Variants in FRMD3 observed in about 807,000 individuals in gnomAD.
The protein encoded by FRMD3 is FERM domain-containing protein 3.
FRMD3 carries 33 observed loss-of-function variants against 70.2 expected under a neutral mutation model. The observed-to-expected ratio is 0.47, with a 90% CI of 0.36 to 0.63. FRMD3 has a LOEUF of 0.63. Ranked by LOEUF, FRMD3 falls within the 20% of genes least tolerant of loss-of-function variation. FRMD3 has a pLI of 0.00. For synonymous variants in FRMD3, 279 were observed against 255.9 expected (o/e 1.09, Z -0.86); for missense variants, 632 against 711.4 (o/e 0.89, Z 1.27).
chr9:83,445,367 T>TAGAC (rs1232389132), intron 1 of FRMD3, among the ~76,000 whole-genome samples: 278 of 151,082 alleles, frequency 1.8e-3, no homozygotes, highest in Non-Finnish European at 3.1e-3. Context: ...GATAGATAGA[T>TAGAC]AGATAGATAG....
At chr9:83,355,245 T>C (rs1467888653) in intron 3 of FRMD3, among the ~76,000 whole-genome samples, 4 of 152,332 alleles carry the variant, frequency 2.6e-5, no homozygotes, top group Admixed American at 1.3e-4. Flanking sequence ...TCCTTCTCTG[T>C]GCCAAACATT....
rs1208322355 is a variant in FRMD3, at chr9:83,298,783, A to G, written c.1035T>C (p.Ser345=). ...CAGGAGGCTCCCTCTGGATCTTGGA[A>G]CTGGCCTCCACCACCTCTTTGGCAA... ...GKVAKEVVEA[S]SKIQREPPEV... The change falls in exon 12 of 14, where the codon AGT becomes AGC. Residue 345 remains serine (S), a synonymous_variant. Transcript: ENST00000304195. 6.2e-7 allele frequency: 1 copy of G among 1,614,236 alleles called. No individual in the cohort carries two copies. The highest frequency in any genetic ancestry group is 8.5e-7 in the Non-Finnish European group (1 of 1,180,034).
intron 1 of FRMD3, among the ~76,000 whole-genome samples, chr9:83,478,257 T>G (rs1451392548): frequency 6.6e-6 from 1 of 152,216 alleles, no homozygotes; most frequent in Non-Finnish European, 1.5e-5. Context: ...AGAAGGGCTC[T>G]AAACCTAACT....
At chr9:83,363,643 C>T (rs1048445484) in intron 3 of FRMD3, among the ~76,000 whole-genome samples, 19 of 151,682 alleles carry the variant, frequency 1.3e-4, no homozygotes, top group East Asian at 9.7e-4. Context: ...AGGCTCCGCC[C>T]CCCGGGGTTC....
In FRMD3 at chr9:83,389,163, G is replaced by C. The variant is rs556007028; in HGVS notation, c.252+441C>G. 7.9e-5 allele frequency among the ~76,000 whole-genome samples: 12 copies of C among 152,080 alleles called. No homozygotes were observed. The South Asian group carries it at 2.5e-3, about 32-fold the overall frequency. On this transcript the variant is annotated intron_variant, in intron 2 of 13. Coordinates refer to ENST00000304195, the MANE Select transcript of FRMD3 (RefSeq NM_174938.6). ...GAGTTTTGCCATGTTGCCAGCACTG[G>C]TCTTGAACTCCTGGGTTCAAGTGGT... is the stretch of plus-strand genomic sequence containing the variant.
intron 1 of FRMD3, among the ~76,000 whole-genome samples, chr9:83,450,106 A>G (rs992585012): frequency 2.6e-5 from 4 of 151,980 alleles, no homozygotes; most frequent in Non-Finnish European, 5.9e-5. Flanking sequence ...TGCGCCACCC[A>G]ACTGACAGTT....
intron 3 of FRMD3, among the ~76,000 whole-genome samples, chr9:83,358,739 T>C (rs972633927): frequency 6.6e-6 from 1 of 151,874 alleles, no homozygotes; most frequent in Non-Finnish European, 1.5e-5. Flanking sequence ...GGGATTGAGT[T>C]CTTGATTTTA....
chr9:83,377,126 G>C (rs955572885), intron 2 of FRMD3, among the ~76,000 whole-genome samples: 2 of 152,140 alleles, frequency 1.3e-5, no homozygotes, highest in African/African-American at 2.4e-5. Context: ...TAATCACTAA[G>C]ATACTAAGAG....
chr9:83,249,143 G>A (rs964185881), intron 13 of FRMD3, among the ~76,000 whole-genome samples: 2 of 152,116 alleles, frequency 1.3e-5, no homozygotes, highest in Non-Finnish European at 2.9e-5. Flanking sequence ...TAAATTAGTT[G>A]CCTATTGTCA....
chr9:83,328,424 A>C lies in FRMD3; in HGVS notation c.596+7092T>G, dbSNP rs530638038. On this transcript the variant is annotated intron_variant, in intron 6 of 13. Coordinates refer to ENST00000304195, the MANE Select transcript of FRMD3 (RefSeq NM_174938.6). ...GGCTCAAACTACATACATCTGGGTC[A>C]CAGTGTAGTCCAAGGACTGTCATTT... Among the ~76,000 whole-genome samples, 159 of 152,328 alleles carry C rather than the reference A, an allele frequency of 1.0e-3. 1 individual carries two copies. Among genetic ancestry groups the C allele is most frequent in the African/African-American group, 3.7e-3 (154 of 41,592 alleles).
In FRMD3 at chr9:83,246,653, T is replaced by C; in HGVS notation, c.*1265A>G. On this transcript the variant is annotated 3_prime_UTR_variant, in exon 14 of 14. Coordinates refer to ENST00000304195, the MANE Select transcript of FRMD3 (RefSeq NM_174938.6). ...AAAAGCCATTCATATTCTCTCTCTC[T>C]CTCTCTCTCTCTCTCTCACACACAC... 20 of 962,788 alleles carry C rather than the reference T, an allele frequency of 2.1e-5. No homozygotes were observed. The highest frequency in any genetic ancestry group is 2.4e-5 in the Non-Finnish European group (20 of 824,666). 59.6% of individuals were successfully genotyped at this position (962,788 alleles called of 1,614,324 possible).
chr9:83,541,648 G>T (rs1320860543), upstream of FRMD3, among the ~76,000 whole-genome samples: 1 of 152,216 alleles, frequency 6.6e-6, no homozygotes, highest in Non-Finnish European at 1.5e-5. Context: ...TGACTTAAAT[G>T]GGAAGGATGA....
At chr9:83,335,132 C>G (rs1416765947) in intron 6 of FRMD3, among the ~76,000 whole-genome samples, 2 of 152,208 alleles carry the variant, frequency 1.3e-5, no homozygotes, top group Non-Finnish European at 2.9e-5. Context: ...TTCTATTCTA[C>G]TTGGAGTCAA....
At chr9:83,507,804 TAGA>T (rs1307826277) in intron 1 of FRMD3, among the ~76,000 whole-genome samples, 1 of 143,172 alleles carries the variant, frequency 7.0e-6, no homozygotes, top group Non-Finnish European at 1.5e-5. Context: ...TGTATATAAG[TAGA>T]AGGAGTACAC....
At chr9:83,525,154 T>G (rs1829658135) in intron 1 of FRMD3, among the ~76,000 whole-genome samples, 1 of 152,200 alleles carries the variant, frequency 6.6e-6, no homozygotes, top group East Asian at 1.9e-4. Context: ...ACTTTCCAGA[T>G]TAACGTTTAG....
rs1463752659 is a variant in FRMD3, at chr9:83,311,868, T to C, written c.773+19A>G. ...AGATTAAGAAAAATGGAAAGCCAGT[T>C]TTCCAAAGAGGCACTTACCATTTTA... On this transcript the variant is annotated intron_variant, in intron 8 of 13. Transcript: ENST00000304195. The C allele has an allele frequency of 2.6e-6, 4 of 1,558,880 alleles. No homozygotes were observed. The highest frequency in any genetic ancestry group is 2.2e-5 in the East Asian group (1 of 44,576).
rs1401105590 is a variant in FRMD3, at chr9:83,399,066, G to C, written c.148-9358C>G. On this transcript the variant is annotated intron_variant, in intron 1 of 13. Transcript: ENST00000304195. ...AGATAGACATACAGTCAACATCACA[G>C]CAAGAGGCTTAATAGTATTAAAGCT... Among the ~76,000 whole-genome samples, 6 of 152,144 alleles carry C rather than the reference G, an allele frequency of 3.9e-5. No individual in the cohort carries two copies. In the South Asian group the frequency reaches 1.0e-3, roughly 26 times the overall value.
chr9:83,519,432 C>A (rs573853730), intron 1 of FRMD3, among the ~76,000 whole-genome samples: 69 of 152,230 alleles, frequency 4.5e-4, no homozygotes, highest in Non-Finnish European at 5.9e-5. Context: ...CAAATCAAAA[C>A]CACAATGAGA....
At chr9:83,257,872 C>T (rs1474632089) in intron 13 of FRMD3, among the ~76,000 whole-genome samples, 2 of 152,076 alleles carry the variant, frequency 1.3e-5, no homozygotes, top group African/African-American at 4.8e-5. Flanking sequence ...AATTACACAG[C>T]CCAATTAAAA....
Sources: allele counts gnomAD v4.1 joint callset (sites outside exome capture counted in the v4.1 genomes callset), GRCh38; gene constraint gnomAD v4.1.1; transcripts MANE v1.5; gene names NCBI Gene and HGNC (gene_info 2026-07-23, HGNC 2026-07-21).